The following ELAPOR1 variants were observed in gnomAD, a reference collection of about 807,000 sequenced individuals.
The protein encoded by ELAPOR1 is endosome-lysosome associated apoptosis and autophagy regulator 1.
Under a neutral mutation model 119.7 loss-of-function variants are expected in ELAPOR1, and 77 were observed. That is an observed-to-expected ratio of 0.64 (90% CI 0.54 to 0.78). The LOEUF is 0.78. Ranked by LOEUF, ELAPOR1 falls within the 30% of genes least tolerant of loss-of-function variation. ELAPOR1 has a pLI of 0.00. For missense variants in ELAPOR1, 1,115 were observed against 1,270.4 expected, an observed-to-expected ratio of 0.88 and a Z score of 1.86; for synonymous variants, 481 against 487.2, an observed-to-expected ratio of 0.99 and a Z score of 0.17.
At chr1:109,121,395 C>G (rs1648406594) in intron 1 of ELAPOR1, among the ~76,000 whole-genome samples, 1 of 152,176 alleles carries the variant, frequency 6.6e-6, no homozygotes, top group South Asian at 2.1e-4. Flanking sequence ...GATCCACCCC[C>G]CTCAGCCTCC....
intron 3 of ELAPOR1, among the ~76,000 whole-genome samples, chr1:109,166,456 C>T (rs1364602566): frequency 6.6e-6 from 1 of 152,222 alleles, no homozygotes; most frequent in Non-Finnish European, 1.5e-5. Flanking sequence ...AAGCTCAGTC[C>T]AGGGTGCTTG....
chr1:109,120,948 A>G lies in ELAPOR1; in HGVS notation c.153+6612A>G, dbSNP rs533954148. ...GTCAAGGTAGGTAACATCTTAGGGT[A>G]AAACAGAAATGTCACTCAATAAGAG... On this transcript the variant is annotated intron_variant, in intron 1 of 21. Transcript: ENST00000369939. 2.0e-5 allele frequency among the ~76,000 whole-genome samples: 3 copies of G among 152,334 alleles called. No homozygotes were observed. The South Asian group carries it at 6.2e-4, about 32-fold the overall frequency.
At chr1:109,118,945 T>C (rs2100953370) in intron 1 of ELAPOR1, among the ~76,000 whole-genome samples, 1 of 146,374 alleles carries the variant, frequency 6.8e-6, no homozygotes, top group South Asian at 2.1e-4. Context: ...ATGCCCAGGC[T>C]GAAGCACAAT....
Position 109,185,079 on chromosome 1 carries a change from T to G in ELAPOR1, c.987T>G (p.Ala329=). The stretch of plus-strand genomic sequence containing the variant: ...CTTCTTCCTGTAACGTGCGCCCAGC[T>G]TGCACAGACAAAGATTATTTCTACA... ...KGSSSCNVRP[A]CTDKDYFYTH... The change falls in exon 8 of 22, where the codon GCT becomes GCG. Residue 329 remains alanine (A), a synonymous_variant. Coordinates refer to ENST00000369939, the MANE Select transcript of ELAPOR1 (RefSeq NM_020775.5). The G allele has an allele frequency of 6.2e-7, 1 of 1,614,184 alleles. No individual in the cohort carries two copies. Among genetic ancestry groups the G allele is most frequent in the Non-Finnish European group, 8.5e-7 (1 of 1,180,006 alleles).
chr1:109,134,591 G>A (rs2100986533), intron 1 of ELAPOR1, among the ~76,000 whole-genome samples: 1 of 152,268 alleles, frequency 6.6e-6, no homozygotes. Flanking sequence ...TGCCCCGTTG[G>A]CCTACTGATA....
At chr1:109,115,424 A>G (rs1647926873) in intron 1 of ELAPOR1, among the ~76,000 whole-genome samples, 1 of 152,162 alleles carries the variant, frequency 6.6e-6, no homozygotes, top group African/African-American at 2.4e-5. Flanking sequence ...ATATATATAG[A>G]TGTATTTTCT....
rs767703257 is a variant in ELAPOR1, at chr1:109,173,592, G to C, written c.802+13G>C. On this transcript the variant is annotated intron_variant, in intron 6 of 21. Coordinates refer to ENST00000369939, the MANE Select transcript of ELAPOR1 (RefSeq NM_020775.5). ...ATTGCCATAACAGGTACTGAGAGCA[G>C]GGTTACTGACTTCCTGGGCTGTTGA... 1 of 1,613,810 alleles carries C rather than the reference G, an allele frequency of 6.2e-7. No individual in the cohort carries two copies. The highest frequency in any genetic ancestry group is 2.2e-5 in the East Asian group (1 of 44,888).
chr1:109,191,530 C>A, intron 12 of ELAPOR1, 59 bp downstream of exon 12: 1 of 1,489,270 alleles, frequency 6.7e-7, no homozygotes, highest in Non-Finnish European at 9.4e-7. Context: ...GCCCCATCTG[C>A]CCCATTGGTG....
intron 7 of ELAPOR1, among the ~76,000 whole-genome samples, chr1:109,181,987 G>A (rs1041714049): frequency 6.6e-6 from 1 of 152,148 alleles, no homozygotes; most frequent in Non-Finnish European, 1.5e-5. Context: ...CTGAAAGGGA[G>A]GTAAAGAGAC....
intron 4 of ELAPOR1, 74 bp from the exon 5 acceptor site, chr1:109,172,413 GC>G (rs1332733986): frequency 5.4e-6 from 6 of 1,103,206 alleles, no homozygotes; most frequent in Non-Finnish European, 6.9e-6. Flanking sequence ...CCTCTGGAGG[GC>G]TGGTGCAATG....
intron 3 of ELAPOR1, among the ~76,000 whole-genome samples, chr1:109,171,132 C>T (rs763611171): frequency 6.6e-6 from 1 of 152,150 alleles, no homozygotes; most frequent in Non-Finnish European, 1.5e-5. Context: ...GCTTGGCACT[C>T]TCCAAGCCCC....
In ELAPOR1 at chr1:109,128,893, C is replaced by T. The variant is rs1039967272; in HGVS notation, c.153+14557C>T. Among the ~76,000 whole-genome samples, 57 of 152,258 alleles carry T rather than the reference C, an allele frequency of 3.7e-4. 1 individual carries two copies. Among genetic ancestry groups the T allele is most frequent in the Non-Finnish European group, 5.7e-4 (39 of 68,020 alleles). ...CCAAGGATATTATCTCCATAGAGTG[C>T]CATTTCCCAGCTTATTAAATAAGAG... is the stretch of plus-strand genomic sequence containing the variant. On this transcript the variant is annotated intron_variant, in intron 1 of 21. Transcript: ENST00000369939.
At chr1:109,122,356 T>TA (rs71069650) in intron 1 of ELAPOR1, among the ~76,000 whole-genome samples, 1,365 of 115,006 alleles carry the variant, frequency 0.012, 17 homozygotes, top group African/African-American at 0.036. Context: ...ACCTTTCCAT[T>TA]AAAAAAAAAA....
Position 109,155,559 on chromosome 1 carries a change from T to C in ELAPOR1, c.154-6335T>C, listed in dbSNP as rs562699053. Among the ~76,000 whole-genome samples the C allele has an allele frequency of 7.9e-5, 12 of 152,252 alleles. 1 individual carries two copies. The highest frequency in any genetic ancestry group is 1.0e-4 in the Non-Finnish European group (7 of 68,018). ...CTTCTGAGATATTGTTCCTGAGCTA[T>C]ATAAACATTTTATATTTTATAATAA... On this transcript the variant is annotated intron_variant, in intron 1 of 21. Coordinates refer to ENST00000369939, the MANE Select transcript of ELAPOR1 (RefSeq NM_020775.5).
chr1:109,201,350 C>A (rs985444788), intron 21 of ELAPOR1: 4 of 456,320 alleles, frequency 8.8e-6, no homozygotes, highest in Non-Finnish European at 1.8e-5. Context: ...GGAGCTGAAT[C>A]ATAGTTCAGT....
At chr1:109,162,051 C>CT (rs1486196448) in intron 2 of ELAPOR1, 37 bp downstream of exon 2, 2 of 1,581,298 alleles carry the variant, frequency 1.3e-6, no homozygotes, top group African/African-American at 2.7e-5. Context: ...CCCTGTCACT[C>CT]AGCTTTGGTC....
intron 1 of ELAPOR1, among the ~76,000 whole-genome samples, chr1:109,161,430 A>T: frequency 6.6e-6 from 1 of 151,676 alleles, no homozygotes; most frequent in East Asian, 1.9e-4. Flanking sequence ...AAAAAAAAAA[A>T]AAAGAAACAC....
At chr1:109,161,115 AAC>A (rs1445119319) in intron 1 of ELAPOR1, among the ~76,000 whole-genome samples, 6 of 152,178 alleles carry the variant, frequency 3.9e-5, no homozygotes, top group African/African-American at 9.6e-5. Flanking sequence ...GAGCATAAGA[AAC>A]ACAGGGAAAT....
At chr1:109,139,469 C>G (rs565231155) in intron 1 of ELAPOR1, among the ~76,000 whole-genome samples, 20 of 152,350 alleles carry the variant, frequency 1.3e-4, no homozygotes, top group African/African-American at 4.3e-4. Flanking sequence ...CCACACGCTT[C>G]TCTCTCTGGG....
Sources: allele counts gnomAD v4.1 joint callset (sites outside exome capture counted in the v4.1 genomes callset), GRCh38; gene constraint gnomAD v4.1.1; transcripts MANE v1.5; gene names NCBI Gene and HGNC (gene_info 2026-07-23, HGNC 2026-07-21).